Variants in IFT140 observed in about 807,000 individuals in gnomAD.
IFT140 encodes the protein intraflagellar transport 140, also known as intraflagellar transport protein 140 homolog.
A neutral mutation model predicts 164.6 loss-of-function variants in IFT140; 133 were observed. The observed-to-expected ratio is 0.81, with a 90% CI of 0.70 to 0.93. The LOEUF is 0.93. Among genes scored for constraint, IFT140 ranks in the 40% least tolerant of loss-of-function variants. IFT140 has a pLI of 0.00. For synonymous variants in IFT140, 860 were observed against 817.3 expected (o/e 1.05, Z -0.89); for missense variants, 2,045 against 1,972.3 (o/e 1.04, Z -0.70).
chr16:1,528,762 C>G (rs1276569442), intron 19 of IFT140: 5 of 152,566 alleles, frequency 3.3e-5, no homozygotes, highest in Admixed American at 6.5e-5. Context: ...ACTGGAGGGA[C>G]CAGCCGCCCA....
At chr16:1,602,268 ATT>A (rs770176764) in intron 4 of IFT140, 100 bp downstream of exon 4, 125 of 1,015,316 alleles carry the variant, frequency 1.2e-4, no homozygotes, top group Non-Finnish European at 1.8e-4. Flanking sequence ...GATCAACTGA[ATT>A]TGGCAACAGC....
chr16:1,530,416 C>T (rs1331159407), intron 19 of IFT140, among the ~76,000 whole-genome samples: 4 of 152,088 alleles, frequency 2.6e-5, no homozygotes, highest in Admixed American at 2.6e-4. Context: ...CAGGTGTGAG[C>T]CACTGCGCCC....
rs1345424055 is a variant in IFT140 at position 1,558,939 on chromosome 16, T to C, written c.2200-805A>G. On this transcript the variant is annotated intron_variant, in intron 18 of 30. Transcript: ENST00000426508. ...GCTCACTGCTCCTGCAGAAACTGAC[T>C]TGCGGCCCCGGTGAGTAGGCCTCAT... Among the ~76,000 whole-genome samples, 3 of 152,240 alleles carry C rather than the reference T, an allele frequency of 2.0e-5. No individual in the cohort carries two copies. In the East Asian group the frequency reaches 5.8e-4, roughly 29 times the overall value.
At chr16:1,515,002 T>C (rs1323648018) in intron 30 of IFT140, among the ~76,000 whole-genome samples, 1 of 152,050 alleles carries the variant, frequency 6.6e-6, no homozygotes, top group Non-Finnish European at 1.5e-5. Context: ...TAACAGCAGA[T>C]TGAAGATAGC....
At position 1,592,320 on chromosome 16, in the gene IFT140, T is replaced by C; in HGVS notation, c.492-2A>G. 1 of 1,614,132 alleles carries C rather than the reference T, an allele frequency of 6.2e-7. No homozygotes were observed. Among genetic ancestry groups the C allele is most frequent in the Non-Finnish European group, 8.5e-7 (1 of 1,180,000 alleles). ...GCCTTTGCCAACTGAACCAGGTCCC[T>C]GAAAGCAAACACGACACGAAGCAAG... On this transcript the variant is annotated splice_acceptor_variant, in intron 5 of 30. Transcript: ENST00000426508. LOFTEE classifies it high-confidence loss of function.
intron 2 of IFT140, among the ~76,000 whole-genome samples, chr16:1,608,333 G>C (rs148131401): frequency 1.9e-3 from 289 of 152,268 alleles, no homozygotes; most frequent in Middle Eastern, 0.01. Flanking sequence ...ACTTGTAGCC[G>C]GGTTTGCCAC....
At chr16:1,534,160 C>G in intron 19 of IFT140, 4 of 1,374,082 alleles carry the variant, frequency 2.9e-6, no homozygotes, top group South Asian at 1.4e-5. Context: ...CGCGCCGCCC[C>G]GAGGATGAGT....
intron 2 of IFT140, among the ~76,000 whole-genome samples, chr16:1,608,628 C>T (rs1385072804): frequency 8.3e-6 from 1 of 119,952 alleles, no homozygotes; most frequent in Non-Finnish European, 1.8e-5. Flanking sequence ...TAGGACTCCG[C>T]CTCAAAAAAA....
At chr16:1,598,317 G>C (rs1199747093) in intron 4 of IFT140, among the ~76,000 whole-genome samples, 1 of 152,088 alleles carries the variant, frequency 6.6e-6, no homozygotes, top group East Asian at 1.9e-4. Context: ...AATTAGCCAG[G>C]CGTGGTGGCG....
intron 30 of IFT140, among the ~76,000 whole-genome samples, chr16:1,516,226 C>CT (rs1160770523): frequency 7.5e-6 from 1 of 133,854 alleles, no homozygotes; most frequent in Admixed American, 8.3e-5. Flanking sequence ...AAGACTATTT[C>CT]TTTCCTTTTA....
intron 14 of IFT140, among the ~76,000 whole-genome samples, chr16:1,569,155 C>T (rs1376234830): frequency 1.3e-5 from 2 of 152,070 alleles, no homozygotes; most frequent in Admixed American, 6.5e-5. Flanking sequence ...CAGGCGCCCG[C>T]CACCGCGCCC....
At chr16:1,583,754 C>CT (rs971133332) in intron 11 of IFT140, among the ~76,000 whole-genome samples, 2 of 150,792 alleles carry the variant, frequency 1.3e-5, no homozygotes, top group Admixed American at 6.6e-5. Flanking sequence ...TTATTATGTT[C>CT]TTTTTTTTGA....
rs139437005 is a variant in IFT140 at position 1,539,571 on chromosome 16, C to T, written c.2400-12775G>A. Among the ~76,000 whole-genome samples the T allele has an allele frequency of 7.2e-3, 1,099 of 152,366 alleles. 10 individuals carry two copies. The highest frequency in any genetic ancestry group is 0.025 in the African/African-American group (1,031 of 41,584). ...CCACCAGGCTGGCTCTCAGCCCCCG[C>T]GTCTTCTGTTCCTTCTTTAGAGAGA... On this transcript the variant is annotated intron_variant, in intron 19 of 30. Coordinates refer to ENST00000426508, the MANE Select transcript of IFT140 (RefSeq NM_014714.4).
intron 29 of IFT140, among the ~76,000 whole-genome samples, chr16:1,518,982 T>C (rs1367649182): frequency 6.6e-6 from 1 of 152,164 alleles, no homozygotes; most frequent in Non-Finnish European, 1.5e-5. Context: ...GCGCCTGGCC[T>C]GCCCTCTGAC....
intron 8 of IFT140, 97 bp from the exon 9 acceptor site, chr16:1,587,401 G>A: frequency 2.7e-6 from 2 of 750,208 alleles, no homozygotes; most frequent in South Asian, 3.1e-5. Flanking sequence ...TAAAAGTCAG[G>A]AAAAAGACAT....
chr16:1,580,031 A>G (rs1256811695), intron 13 of IFT140, among the ~76,000 whole-genome samples: 2 of 151,620 alleles, frequency 1.3e-5, no homozygotes, highest in Non-Finnish European at 2.9e-5. Flanking sequence ...CATGCGGGAG[A>G]CAGCCTGGCT....
At chr16:1,595,262 G>A (rs1180326385) in intron 4 of IFT140, among the ~76,000 whole-genome samples, 5 of 151,946 alleles carry the variant, frequency 3.3e-5, no homozygotes, top group African/African-American at 9.7e-5. Context: ...TCCAGCCTGG[G>A]TGACAGAGTG....
At position 1,520,666 on chromosome 16, in the gene IFT140, C is replaced by G; in HGVS notation, c.3596G>C (p.Cys1199Ser). Residue 1199 changes from cysteine to serine, a missense_variant, in exon 27 of 31, where the codon TGC becomes TCC. Transcript: ENST00000426508. ...RELLEQIADC[C>S]MRQGSYHLAT... ...CAGGTGGTAGCTGCCCTGGCGCATGCAGCAGTCTGCTATCTGCTCCAGCAG... is the reference window on the plus strand; with the variant it reads ...CAGGTGGTAGCTGCCCTGGCGCATGGAGCAGTCTGCTATCTGCTCCAGCAG... 1 of 1,606,816 alleles carries G rather than the reference C, an allele frequency of 6.2e-7. No individual in the cohort carries two copies. Among genetic ancestry groups the G allele is most frequent in the African/African-American group, 1.3e-5 (1 of 74,948 alleles).
chr16:1,608,738 T>C (rs1016526952), intron 2 of IFT140, among the ~76,000 whole-genome samples: 4 of 151,732 alleles, frequency 2.6e-5, no homozygotes, highest in African/African-American at 9.7e-5. Flanking sequence ...AAAATATATA[T>C]TGTTTAGAGA....
Sources: gnomAD v4.1 joint callset for allele counts (sites outside exome capture counted in the v4.1 genomes callset) on GRCh38, gnomAD v4.1.1 for gene constraint, MANE v1.5 for transcripts, NCBI Gene and HGNC (gene_info 2026-07-23, HGNC 2026-07-21) for gene names.